Variants in FRMD6 observed in about 807,000 individuals in gnomAD.
FRMD6 encodes the protein FERM domain-containing protein 6.
A neutral mutation model predicts 73.2 loss-of-function variants in FRMD6; 37 were observed. The ratio of observed to expected loss-of-function variants is 0.51; its 90% CI spans 0.39 to 0.66. The LOEUF is 0.66. FRMD6 is among the 30% of genes least tolerant of loss of function. FRMD6 has a pLI of 0.00. For missense variants in FRMD6, 714 were observed against 780.5 expected (o/e 0.91, Z 1.02); for synonymous variants, 273 against 282.2 (o/e 0.97, Z 0.33).
At chr14:51,532,467 T>C (rs1379324997) in intron 1 of FRMD6, among the ~76,000 whole-genome samples, 1 of 152,164 alleles carries the variant, frequency 6.6e-6, no homozygotes, top group South Asian at 2.1e-4. Context: ...AACAATTATA[T>C]TCATTCAGAT....
chr14:51,682,377 A>T (rs1032776509), intron 1 of FRMD6, among the ~76,000 whole-genome samples: 3 of 150,212 alleles, frequency 2.0e-5, no homozygotes, highest in Non-Finnish European at 4.4e-5. Context: ...TTTTTTTTTT[A>T]AGTAAAGTAA....
intron 1 of FRMD6, among the ~76,000 whole-genome samples, chr14:51,689,183 A>G (rs1895377353): frequency 6.6e-6 from 1 of 152,260 alleles, no homozygotes; most frequent in African/African-American, 2.4e-5. Context: ...GTGATGGCCT[A>G]GAGATCATGG....
At chr14:51,564,010 CG>C (rs542898636) in intron 1 of FRMD6, among the ~76,000 whole-genome samples, 35 of 152,246 alleles carry the variant, frequency 2.3e-4, no homozygotes, top group Non-Finnish European at 4.4e-4. Context: ...GTTTTTATTA[CG>C]GAAAATTTCT....
chr14:51,397,925 G>A, the FRMD6 span, among the ~76,000 whole-genome samples: 5 of 151,818 alleles, frequency 3.3e-5, no homozygotes, highest in Non-Finnish European at 7.4e-5. Flanking sequence ...TCAAATATTC[G>A]AAAACCCAAA....
chr14:51,534,314 C>T lies in FRMD6; in HGVS notation c.-209-36034C>T, dbSNP rs576263471. ...AGGGAGGAAAGATTTTGTCACTCTA[C>T]CCATGGTAATGTGTGATGTAGTCAC... is the stretch of plus-strand genomic sequence containing the variant. On this transcript the variant is annotated intron_variant, in intron 1 of 14. Coordinates refer to the FRMD6 transcript ENST00000356218. Among the ~76,000 whole-genome samples, 28 of 152,312 alleles carry T rather than the reference C, an allele frequency of 1.8e-4. No homozygotes were observed. The East Asian group carries it at 5.0e-3, about 27-fold the overall frequency.
At chr14:51,404,274 A>G in the FRMD6 span, among the ~76,000 whole-genome samples, 1 of 152,042 alleles carries the variant, frequency 6.6e-6, no homozygotes, top group African/African-American at 2.4e-5. Flanking sequence ...TTATTTTTAT[A>G]TATTCTGAAT....
chr14:51,633,618 A>T (rs1395781899), intron 2 of FRMD6, among the ~76,000 whole-genome samples: 1 of 145,558 alleles, frequency 6.9e-6, no homozygotes, highest in Admixed American at 6.9e-5. Flanking sequence ...AAAAAAAAAA[A>T]AAAGAAATAA....
chr14:51,550,582 C>CT (rs960825048), intron 1 of FRMD6, among the ~76,000 whole-genome samples: 6 of 150,460 alleles, frequency 4.0e-5, no homozygotes, highest in Admixed American at 3.3e-4. Flanking sequence ...GGGAGGAGAC[C>CT]CCCCCGCCAT....
chr14:51,413,641 C>A, the FRMD6 span, among the ~76,000 whole-genome samples: 3 of 152,136 alleles, frequency 2.0e-5, no homozygotes, highest in African/African-American at 2.4e-5. Flanking sequence ...GTCTTTATAG[C>A]AGCATGATTT....
At chr14:51,467,939 C>T in the FRMD6 span, among the ~76,000 whole-genome samples, 19,760 of 151,998 alleles carry the variant, frequency 0.13, 1,469 homozygotes, top group Non-Finnish European at 0.17. Flanking sequence ...CCAAGGCAGG[C>T]GGCTGGGAGG....
chr14:51,632,115 T>A (rs1347828694), intron 2 of FRMD6, among the ~76,000 whole-genome samples: 1 of 152,168 alleles, frequency 6.6e-6, no homozygotes, highest in Non-Finnish European at 1.5e-5. Context: ...GATGGTTTTA[T>A]CCCCCTTTGC....
At chr14:51,564,268 A>G (rs1887655256) in intron 1 of FRMD6, among the ~76,000 whole-genome samples, 1 of 152,210 alleles carries the variant, frequency 6.6e-6, no homozygotes, top group Non-Finnish European at 1.5e-5. Context: ...AGGACCAGGG[A>G]AAATGCATTC....
chr14:51,559,151 A>G (rs954966537), intron 1 of FRMD6, among the ~76,000 whole-genome samples: 6 of 152,222 alleles, frequency 3.9e-5, no homozygotes, highest in Non-Finnish European at 7.3e-5. Context: ...ACCCCGGCAA[A>G]TAGGCCTTCA....
intron 9 of FRMD6, 113 bp downstream of exon 9, chr14:51,712,664 G>T: frequency 1.4e-6 from 1 of 698,206 alleles, no homozygotes; most frequent in Non-Finnish European, 2.5e-6. Flanking sequence ...CACAAAAGCT[G>T]TTATTTTTAA....
the FRMD6 span, among the ~76,000 whole-genome samples, chr14:51,421,931 C>T: frequency 1.5e-4 from 23 of 152,288 alleles, no homozygotes; most frequent in African/African-American, 5.1e-4. Context: ...GGTCATGCTG[C>T]GGATCTGCCA....
At chr14:51,603,682 A>G (rs761795698) in intron 2 of FRMD6, among the ~76,000 whole-genome samples, 2 of 152,156 alleles carry the variant, frequency 1.3e-5, no homozygotes. Flanking sequence ...GGGTTGAGAA[A>G]CCAAGACTGC....
chr14:51,671,616 T>A (rs1894010276), intron 1 of FRMD6, among the ~76,000 whole-genome samples: 1 of 152,102 alleles, frequency 6.6e-6, no homozygotes, highest in Non-Finnish European at 1.5e-5. Flanking sequence ...TCTGCTGAAA[T>A]TGAGGCAAGA....
chr14:51,610,257 C>G (rs1890434875), intron 2 of FRMD6, among the ~76,000 whole-genome samples: 1 of 151,716 alleles, frequency 6.6e-6, no homozygotes, highest in Non-Finnish European at 1.5e-5. Flanking sequence ...TTCCTCCAAC[C>G]ACTCCTATCT....
chr14:51,655,477 T>C (rs768858083), intron 1 of FRMD6, among the ~76,000 whole-genome samples: 3 of 152,144 alleles, frequency 2.0e-5, no homozygotes, highest in Non-Finnish European at 4.4e-5. Context: ...CGTTGGTCTC[T>C]GTGGTTAAAC....
Sources: gnomAD v4.1 joint callset for allele counts (sites outside exome capture counted in the v4.1 genomes callset) on GRCh38, gnomAD v4.1.1 for gene constraint, MANE v1.5 for transcripts, NCBI Gene and HGNC (gene_info 2026-07-23, HGNC 2026-07-21) for gene names.